The following SPATA31G1 variants were observed in gnomAD, a reference collection of about 807,000 sequenced individuals.
SPATA31G1 encodes spermatogenesis-associated protein 31G1.
At chr9:35,045,578 C>A in the SPATA31G1 span, 1 of 1,614,162 alleles carries the variant, frequency 6.2e-7, no homozygotes, top group South Asian at 1.1e-5. Context: ...TAGTAGAGGC[C>A]CCTGTAAGCA....
the SPATA31G1 span, chr9:35,042,020 T>G: frequency 1.1e-4 from 65 of 582,576 alleles, no homozygotes; most frequent in Middle Eastern, 2.8e-3. Flanking sequence ...GGCAGTTCGG[T>G]GCTAGAATCC....
the SPATA31G1 span, chr9:35,043,863 C>T: frequency 6.2e-7 from 1 of 1,614,160 alleles, no homozygotes; most frequent in Admixed American, 1.7e-5. Context: ...CAGATATAAG[C>T]CCCAGTGGGA....
At chr9:35,045,381 C>G in the SPATA31G1 span, 1 of 1,614,002 alleles carries the variant, frequency 6.2e-7, no homozygotes, top group Non-Finnish European at 8.5e-7. Context: ...ATCTCCAGGC[C>G]CAGGAGAACC....
At chr9:35,041,287 T>C in the SPATA31G1 span, 1 of 214,072 alleles carries the variant, frequency 4.7e-6, no homozygotes, top group East Asian at 1.6e-4. Flanking sequence ...ATTGATTTAT[T>C]ACGGCTAGCA....
At chr9:35,045,948 A>C in the SPATA31G1 span, 1 of 1,465,728 alleles carries the variant, frequency 6.8e-7, no homozygotes, top group South Asian at 1.4e-5. Flanking sequence ...TGTGGAGACA[A>C]GAAATGGAAA....
the SPATA31G1 span, chr9:35,045,459 A>G: frequency 6.2e-7 from 1 of 1,614,098 alleles, no homozygotes; most frequent in Non-Finnish European, 8.5e-7. Context: ...CTCAGCCAAA[A>G]AGAGAGAGCA....
At chr9:35,044,335 C>A in the SPATA31G1 span, 2 of 1,614,134 alleles carry the variant, frequency 1.2e-6, no homozygotes, top group South Asian at 2.2e-5. Flanking sequence ...CCAGCTCTTG[C>A]ACCGGAGCTG....
chr9:35,044,802 C>T, the SPATA31G1 span: 38 of 1,614,166 alleles, frequency 2.4e-5, no homozygotes, highest in African/African-American at 3.9e-4. Context: ...GGCAGTGGAT[C>T]CCCTACACCC....
the SPATA31G1 span, chr9:35,045,767 C>T: frequency 6.2e-7 from 1 of 1,614,236 alleles, no homozygotes; most frequent in Non-Finnish European, 8.5e-7. Context: ...AGAAGTATCT[C>T]TCCTTCCCTA....
the SPATA31G1 span, chr9:35,042,127 G>A: frequency 2.8e-6 from 4 of 1,416,418 alleles, no homozygotes; most frequent in Non-Finnish European, 1.9e-6. Context: ...TTGCCTGATA[G>A]AGGAAATTTT....
At chr9:35,042,291 G>A in the SPATA31G1 span, 1 of 1,614,202 alleles carries the variant, frequency 6.2e-7, no homozygotes, top group African/African-American at 1.3e-5. Flanking sequence ...TGGGGCTAAG[G>A]GGGATATGGG....
At chr9:35,041,101 AG>A in the SPATA31G1 span, 9 of 454,874 alleles carry the variant, frequency 2.0e-5, no homozygotes, top group African/African-American at 1.4e-4. Context: ...TTTTAAAAAG[AG>A]GCAAAGGCAG....
chr9:35,045,519 G>A, the SPATA31G1 span: 3 of 1,614,102 alleles, frequency 1.9e-6, no homozygotes, highest in Admixed American at 5.0e-5. Context: ...TGCAAGGTTG[G>A]GGTTATCCAC....
chr9:35,043,518 G>A, the SPATA31G1 span: 5 of 1,614,090 alleles, frequency 3.1e-6, no homozygotes, highest in Admixed American at 5.0e-5. Flanking sequence ...GGACCACAAG[G>A]GAGTTTTATC....
the SPATA31G1 span, chr9:35,042,778 A>G: frequency 9.2e-6 from 14 of 1,518,732 alleles, no homozygotes; most frequent in African/African-American, 2.8e-5. Flanking sequence ...CACTCTGGAT[A>G]TGGAGCAGAC....
the SPATA31G1 span, chr9:35,043,961 T>C: frequency 3.7e-6 from 6 of 1,613,444 alleles, no homozygotes; most frequent in South Asian, 6.6e-5. Flanking sequence ...GCCCTGAATG[T>C]GTCCCACCAG....
At chr9:35,043,246 C>T in the SPATA31G1 span, 1 of 1,614,210 alleles carries the variant, frequency 6.2e-7, no homozygotes, top group South Asian at 1.1e-5. Context: ...CACAGCGAGT[C>T]CTTGGAGGCC....
chr9:35,044,210 A>T, the SPATA31G1 span: 1 of 1,614,128 alleles, frequency 6.2e-7, no homozygotes, highest in Non-Finnish European at 8.5e-7. Context: ...TTATGGAACC[A>T]CACAGAATCA....
the SPATA31G1 span, chr9:35,042,488 G>T: frequency 6.2e-7 from 1 of 1,614,154 alleles, no homozygotes; most frequent in Non-Finnish European, 8.5e-7. Flanking sequence ...AAGGCAAGGT[G>T]GGTGACCTGT....
Sources: allele counts gnomAD v4.1 joint callset, GRCh38; gene constraint gnomAD v4.1.1; transcripts MANE v1.5; gene names NCBI Gene and HGNC (gene_info 2026-07-23, HGNC 2026-07-21).